SYNJ2: variants seen among roughly 807,000 people sequenced by gnomAD.
SYNJ2 encodes the protein synaptojanin 2.
In SYNJ2, 116 loss-of-function variants were observed where a neutral mutation model predicts 141.3. That is an observed-to-expected ratio of 0.82 (90% CI 0.71 to 0.96). The LOEUF (loss-of-function observed/expected upper bound fraction) is 0.96. Among genes scored for constraint, SYNJ2 ranks in the 40% least tolerant of loss-of-function variants. SYNJ2 has a pLI of 0.00. For missense variants in SYNJ2, 1,873 were observed against 1,934.8 expected (o/e 0.97, Z 0.60); for synonymous variants, 745 against 777.7 (o/e 0.96, Z 0.70).
intron 20 of SYNJ2, among the ~76,000 whole-genome samples, chr6:158,083,176 A>G (rs1782809311): frequency 6.6e-6 from 1 of 151,976 alleles, no homozygotes; most frequent in Non-Finnish European, 1.5e-5. Context: ...CAAGGGATCT[A>G]CCTGCTTCGG....
At chr6:158,010,691 A>G (rs1778229717) in intron 1 of SYNJ2, among the ~76,000 whole-genome samples, 1 of 152,188 alleles carries the variant, frequency 6.6e-6, no homozygotes. Flanking sequence ...TGCAGTTGTA[A>G]CGCTGAGATG....
intron 1 of SYNJ2, chr6:158,001,606 G>C (rs897389969): frequency 1.3e-5 from 2 of 152,004 alleles, no homozygotes; most frequent in Non-Finnish European, 2.9e-5. Flanking sequence ...CATCATGTTG[G>C]CCAGGCTGGT....
intron 24 of SYNJ2, 79 bp from the exon 25 acceptor site, chr6:158,089,760 C>G (rs1305577553): frequency 9.6e-7 from 1 of 1,045,310 alleles, no homozygotes; most frequent in East Asian, 2.6e-5. Context: ...CTGCACAGAC[C>G]CACGGGTAGC....
chr6:157,992,373 T>C (rs956169000), intron 1 of SYNJ2, among the ~76,000 whole-genome samples: 17 of 151,444 alleles, frequency 1.1e-4, no homozygotes, highest in Admixed American at 1.1e-3. Context: ...GAATATGCAA[T>C]GTTTGTCTTT....
rs546580598 is a variant in SYNJ2, at chr6:158,031,225, G to A, written c.485+2199G>A. On this transcript the variant is annotated intron_variant, in intron 3 of 26. Coordinates refer to ENST00000355585, the MANE Select transcript of SYNJ2 (RefSeq NM_003898.4). ...CGTGAAACTATTTTAAACCAGAACTGTCAGGGGAGCAGAGGTGAGAGCTCT... is the reference window on the plus strand; with the variant it reads ...CGTGAAACTATTTTAAACCAGAACTATCAGGGGAGCAGAGGTGAGAGCTCT... 2.0e-5 allele frequency among the ~76,000 whole-genome samples: 3 copies of A among 152,332 alleles called. No homozygotes were observed. The South Asian group carries it at 6.2e-4, about 32-fold the overall frequency.
intron 1 of SYNJ2, among the ~76,000 whole-genome samples, chr6:157,996,872 A>T (rs773677349): frequency 5.9e-5 from 9 of 152,176 alleles, no homozygotes; most frequent in African/African-American, 2.2e-4. Context: ...AGATGCTGCC[A>T]TGCTTCCCGT....
chr6:158,077,687 A>G (rs1782402257), intron 17 of SYNJ2: 1 of 147,882 alleles, frequency 6.8e-6, no homozygotes, highest in African/African-American at 2.5e-5. Flanking sequence ...AAACCTAATT[A>G]CACATTTTGG....
chr6:158,078,489 A>T (rs1375061901), intron 18 of SYNJ2: 1 of 365,034 alleles, frequency 2.7e-6, no homozygotes, highest in African/African-American at 2.1e-5. Flanking sequence ...GCATTTTGTC[A>T]TTGCTCCATA....
chr6:157,986,003 AG>A (rs1259133073), intron 1 of SYNJ2, among the ~76,000 whole-genome samples: 3 of 152,242 alleles, frequency 2.0e-5, no homozygotes, highest in Admixed American at 2.0e-4. Context: ...AGATGGCCCC[AG>A]GGCAGAGCAG....
chr6:157,991,046 T>C (rs1192251679), intron 1 of SYNJ2, among the ~76,000 whole-genome samples: 1 of 152,144 alleles, frequency 6.6e-6, no homozygotes, highest in Non-Finnish European at 1.5e-5. Context: ...GTCAATACCT[T>C]TGCTTTCAGA....
At chr6:158,046,404 C>CG (rs1780239640) in intron 5 of SYNJ2, among the ~76,000 whole-genome samples, 1 of 152,178 alleles carries the variant, frequency 6.6e-6, no homozygotes, top group Non-Finnish European at 1.5e-5. Flanking sequence ...GGGAGGGCAG[C>CG]GGGAAGTGGT....
chr6:158,069,537 A>T lies in SYNJ2; in HGVS notation c.1804A>T (p.Thr602Ser). Residue 602 changes from threonine to serine, a missense_variant, in exon 14 of 27, where the codon ACC becomes TCC. Coordinates refer to ENST00000355585, the MANE Select transcript of SYNJ2 (RefSeq NM_003898.4). ...TCCTTTCCTTTTCTCTTCCAGTACT[A>T]CCAACAAGAAGATGTGGGGTGAACA... Reference protein sequence around the residue: ...SAGNIVNASTTNKKMWGEQLQ... With the variant: ...SAGNIVNASTSNKKMWGEQLQ... 1 of 1,612,406 alleles carries T rather than the reference A, an allele frequency of 6.2e-7. No homozygotes were observed. The highest frequency in any genetic ancestry group is 1.3e-5 in the African/African-American group (1 of 75,004).
At chr6:158,048,785 G>A (rs370828041) in intron 5 of SYNJ2, among the ~76,000 whole-genome samples, 34 of 152,102 alleles carry the variant, frequency 2.2e-4, no homozygotes, top group African/African-American at 6.8e-4. Flanking sequence ...TTCTCCCATC[G>A]TGGCCACTTT....
chr6:158,079,137 G>A (rs902067588), intron 18 of SYNJ2: 5 of 152,204 alleles, frequency 3.3e-5, no homozygotes, highest in African/African-American at 7.2e-5. Flanking sequence ...ATCATGCATT[G>A]AGGATAGAGT....
At chr6:158,025,993 A>G (rs902498846) in intron 2 of SYNJ2, among the ~76,000 whole-genome samples, 1 of 151,600 alleles carries the variant, frequency 6.6e-6, no homozygotes, top group Non-Finnish European at 1.5e-5. Context: ...ACATACATAC[A>G]TACGTACATA....
chr6:158,090,931 T>G (rs1783404389), intron 25 of SYNJ2, among the ~76,000 whole-genome samples: 1 of 152,160 alleles, frequency 6.6e-6, no homozygotes, highest in Non-Finnish European at 1.5e-5. Flanking sequence ...AATTCTCAAA[T>G]AATATTTAAG....
intron 1 of SYNJ2, chr6:158,001,294 A>G (rs947013852): frequency 6.6e-6 from 1 of 151,138 alleles, no homozygotes; most frequent in African/African-American, 2.4e-5. Flanking sequence ...CAGGATGACT[A>G]TTTCACATCT....
chr6:157,983,811 G>T (rs1292821925), intron 1 of SYNJ2, among the ~76,000 whole-genome samples: 1 of 151,682 alleles, frequency 6.6e-6, no homozygotes, highest in Non-Finnish European at 1.5e-5. Context: ...TCATTTTTCA[G>T]TAGAAAACTT....
chr6:158,088,833 T>G (rs1783251711), intron 24 of SYNJ2, 61 bp downstream of exon 24: 1 of 1,193,338 alleles, frequency 8.4e-7, no homozygotes, highest in East Asian at 2.3e-5. Flanking sequence ...GTGTGGGATC[T>G]CTCTTCTCAG....
Sources: gnomAD v4.1 joint callset for allele counts (sites outside exome capture counted in the v4.1 genomes callset) on GRCh38, gnomAD v4.1.1 for gene constraint, MANE v1.5 for transcripts, NCBI Gene and HGNC (gene_info 2026-07-23, HGNC 2026-07-21) for gene names.